PTPRT: variants seen among roughly 807,000 people sequenced by gnomAD.
PTPRT encodes the protein protein tyrosine phosphatase receptor type T, also known as receptor-type tyrosine-protein phosphatase T.
Under a neutral mutation model 176.8 loss-of-function variants are expected in PTPRT, and 56 were observed. The ratio of observed to expected loss-of-function variants is 0.32; its 90% CI spans 0.26 to 0.40. PTPRT has a LOEUF of 0.40. Ranked by LOEUF, PTPRT falls within the 10% of genes least tolerant of loss-of-function variation. The pLI, the probability that PTPRT is intolerant of heterozygous loss-of-function variation, is 1.00. For missense variants in PTPRT, 1,540 were observed against 1,908.2 expected (o/e 0.81, Z 3.60); for synonymous variants, 783 against 739.0 (o/e 1.06, Z -0.96).
chr20:42,407,882 A>T (rs994178940), intron 9 of PTPRT, among the ~76,000 whole-genome samples: 7 of 152,138 alleles, frequency 4.6e-5, no homozygotes, highest in Admixed American at 3.9e-4. Context: ...GAAACTCCCA[A>T]TCATAATGTG....
chr20:42,061,992 G>C, the PTPRT span, among the ~76,000 whole-genome samples: 1 of 152,304 alleles, frequency 6.6e-6, no homozygotes, highest in East Asian at 1.9e-4. Flanking sequence ...CCTCAACCCA[G>C]GGGGCTGGCT....
intron 1 of PTPRT, among the ~76,000 whole-genome samples, chr20:42,990,558 G>C (rs929376655): frequency 7.2e-5 from 11 of 152,128 alleles, no homozygotes; most frequent in African/African-American, 2.7e-4. Context: ...TACGACCTAG[G>C]TTTACCTCTG....
rs564371851 is a variant in PTPRT at position 42,220,744 on chromosome 20, C to A, written c.2342+15485G>T. ...AATAAAATTCTCTCCAAGGTACAAC[C>A]CTTTTTATAGGATACTATAAACAAA... is the stretch of plus-strand genomic sequence containing the variant. On this transcript the variant is annotated intron_variant, in intron 15 of 30. Coordinates refer to ENST00000373187, the MANE Select transcript of PTPRT (RefSeq NM_007050.6). 2.0e-5 allele frequency among the ~76,000 whole-genome samples: 3 copies of A among 152,140 alleles called. No individual in the cohort carries two copies. In the East Asian group the frequency reaches 5.8e-4, roughly 29 times the overall value.
chr20:42,633,960 ATAATATAT>A (rs1278144323), intron 7 of PTPRT, among the ~76,000 whole-genome samples: 25 of 18,068 alleles, frequency 1.4e-3, no homozygotes, highest in African/African-American at 9.9e-3. Context: ...ATAATTATAT[ATAATATAT>A]TATAATATAT....
chr20:42,573,809 C>T (rs983920599), intron 7 of PTPRT, among the ~76,000 whole-genome samples: 5 of 138,824 alleles, frequency 3.6e-5, no homozygotes, highest in Admixed American at 1.6e-4. Flanking sequence ...AGTGCAGTGG[C>T]GCAATCTCAG....
intron 7 of PTPRT, among the ~76,000 whole-genome samples, chr20:42,479,465 T>C (rs2071345397): frequency 6.6e-6 from 1 of 152,228 alleles, no homozygotes; most frequent in Admixed American, 6.5e-5. Context: ...GATAGTTCGA[T>C]GTGACCATTA....
At chr20:42,388,180 G>C (rs558772783) in intron 9 of PTPRT, among the ~76,000 whole-genome samples, 2 of 152,296 alleles carry the variant, frequency 1.3e-5, no homozygotes, top group African/African-American at 4.8e-5. Flanking sequence ...GTTAAGAAAC[G>C]TGATATAGCA....
At chr20:42,354,769 G>T (rs895677167) in intron 9 of PTPRT, among the ~76,000 whole-genome samples, 2 of 152,218 alleles carry the variant, frequency 1.3e-5, no homozygotes, top group Admixed American at 6.5e-5. Flanking sequence ...TAAGCAATTT[G>T]CTGTTACTGG....
At chr20:42,679,819 A>C (rs1168692813) in intron 6 of PTPRT, among the ~76,000 whole-genome samples, 1 of 152,174 alleles carries the variant, frequency 6.6e-6, no homozygotes. Context: ...TGCTGGACCC[A>C]TGAGTTGTTC....
chr20:42,420,234 A>G (rs2059105940), intron 9 of PTPRT, among the ~76,000 whole-genome samples: 2 of 152,180 alleles, frequency 1.3e-5, no homozygotes, highest in Admixed American at 6.5e-5. Context: ...GAAAAAGTGA[A>G]CCATTATGTA....
intron 15 of PTPRT, among the ~76,000 whole-genome samples, chr20:42,204,574 T>G (rs958951540): frequency 6.6e-6 from 1 of 152,222 alleles, no homozygotes; most frequent in African/African-American, 2.4e-5. Flanking sequence ...ATCCAAAGTT[T>G]ACTGCTTCTG....
rs115807165 is a variant in PTPRT, at chr20:42,282,728, C to T, written c.2140-203G>A. 3.2e-3 allele frequency among the ~76,000 whole-genome samples: 485 copies of T among 152,020 alleles called. 7 individuals are homozygous for T. Among genetic ancestry groups the T allele is most frequent in the African/African-American group, 0.01 (425 of 41,448 alleles). Reference sequence around the variant, plus strand: ...TTTAATTTTTTTCTCAGGCTAGGTACATATGTTATTCAGTTCACTTCCTGA... The same window carrying T: ...TTTAATTTTTTTCTCAGGCTAGGTATATATGTTATTCAGTTCACTTCCTGA... On this transcript the variant is annotated intron_variant, in intron 12 of 30. Coordinates refer to ENST00000373187, the MANE Select transcript of PTPRT (RefSeq NM_007050.6).
rs369273180 is a variant in PTPRT at position 43,154,893 on chromosome 20, G to A, written c.88+34753C>T. Among the ~76,000 whole-genome samples, 17 of 152,042 alleles carry A rather than the reference G, an allele frequency of 1.1e-4. No homozygotes were observed. The East Asian group carries it at 2.7e-3, about 24-fold the overall frequency. On this transcript the variant is annotated intron_variant, in intron 1 of 30. Coordinates refer to ENST00000373187, the MANE Select transcript of PTPRT (RefSeq NM_007050.6). Reference sequence around the variant, plus strand: ...TGATTTTAAAATGAGCAAAAGACTCGAATAGACATTGATCCAAAAAAAAAG... The same window carrying A: ...TGATTTTAAAATGAGCAAAAGACTCAAATAGACATTGATCCAAAAAAAAAG...
intron 4 of PTPRT, among the ~76,000 whole-genome samples, chr20:42,775,263 G>A (rs1002556523): frequency 6.6e-6 from 1 of 152,190 alleles, no homozygotes; most frequent in Non-Finnish European, 1.5e-5. Flanking sequence ...ATATTATTGT[G>A]CCCTTTATCT....
chr20:42,572,017 G>C (rs2073164049), intron 7 of PTPRT, among the ~76,000 whole-genome samples: 1 of 152,186 alleles, frequency 6.6e-6, no homozygotes, highest in South Asian at 2.1e-4. Context: ...ATTAGCAACA[G>C]AAATTCATTG....
intron 13 of PTPRT, among the ~76,000 whole-genome samples, chr20:42,272,940 G>A (rs752897309): frequency 2.6e-5 from 4 of 152,114 alleles, no homozygotes; most frequent in Non-Finnish European, 5.9e-5. Flanking sequence ...AACCTTGTTC[G>A]ACATGATAAT....
chr20:42,099,544 GGC>G (rs1600504798), intron 26 of PTPRT, among the ~76,000 whole-genome samples: 4 of 49,058 alleles, frequency 8.2e-5, no homozygotes, highest in African/African-American at 1.2e-4. Context: ...AAATGGCCTG[GGC>G]GGGGGGGGGG....
chr20:42,355,394 C>A (rs2058345303), intron 9 of PTPRT, among the ~76,000 whole-genome samples: 2 of 152,206 alleles, frequency 1.3e-5, no homozygotes. Context: ...ATCCCCATCT[C>A]AGGGTCTGCA....
intron 6 of PTPRT, among the ~76,000 whole-genome samples, chr20:42,746,642 A>G (rs1443128422): frequency 6.6e-6 from 1 of 152,102 alleles, no homozygotes; most frequent in Non-Finnish European, 1.5e-5. Context: ...AAAATGATGC[A>G]AGTATTATTA....
Sources: allele counts gnomAD v4.1 joint callset (sites outside exome capture counted in the v4.1 genomes callset), GRCh38; gene constraint gnomAD v4.1.1; transcripts MANE v1.5; gene names NCBI Gene and HGNC (gene_info 2026-07-23, HGNC 2026-07-21).